Variants in ANO1 observed in about 807,000 individuals in gnomAD.
ANO1 encodes the protein anoctamin-1.
ANO1 carries 59 observed loss-of-function variants against 124.0 expected under a neutral mutation model. The ratio of observed to expected loss-of-function variants is 0.48; its 90% CI spans 0.39 to 0.59. The LOEUF (loss-of-function observed/expected upper bound fraction) is 0.59. Among genes scored for constraint, ANO1 ranks in the 20% least tolerant of loss-of-function variants. The probability of loss-of-function intolerance (pLI) is 0.00; values close to 1 mark genes in which losing one functional copy is unlikely to be tolerated. For synonymous variants in ANO1, 529 were observed against 532.0 expected, an observed-to-expected ratio of 0.99 and a Z score of 0.08; for missense variants, 1,059 against 1,328.0, an observed-to-expected ratio of 0.80 and a Z score of 3.15.
chr11:70,090,617 G>C (rs779442191), intron 2 of ANO1, among the ~76,000 whole-genome samples: 1 of 152,150 alleles, frequency 6.6e-6, no homozygotes, highest in African/African-American at 2.4e-5. Context: ...GCGGCAAGAA[G>C]GACGAGAAAA....
chr11:70,118,194 C>A (rs970385720), intron 8 of ANO1, among the ~76,000 whole-genome samples: 2 of 152,040 alleles, frequency 1.3e-5, no homozygotes, highest in Non-Finnish European at 2.9e-5. Flanking sequence ...CCTACCCCCT[C>A]TTCCCCCTCC....
At chr11:70,135,221 G>A (rs1478696300) in intron 11 of ANO1, among the ~76,000 whole-genome samples, 1 of 152,102 alleles carries the variant, frequency 6.6e-6, no homozygotes, top group Admixed American at 6.6e-5. Context: ...TGAAATCCCT[G>A]GGAGGAATTC....
chr11:69,978,187 G>T, the ANO1 span, among the ~76,000 whole-genome samples: 5 of 152,172 alleles, frequency 3.3e-5, no homozygotes, highest in East Asian at 1.9e-4. Context: ...CTGGAAGGGG[G>T]TGGCATTTGG....
chr11:69,996,206 ATGAGACCATCC>A (rs1856269030), intron 1 of ANO1, among the ~76,000 whole-genome samples: 2 of 152,234 alleles, frequency 1.3e-5, no homozygotes, highest in Non-Finnish European at 2.9e-5. Context: ...TATGAAACTT[ATGAGACCATCC>A]TGAGCTGAAT....
intron 1 of ANO1, among the ~76,000 whole-genome samples, chr11:70,083,833 C>T (rs1302572647): frequency 6.6e-6 from 1 of 152,176 alleles, no homozygotes; most frequent in Non-Finnish European, 1.5e-5. Flanking sequence ...TGCCATCCAG[C>T]TTTGGGGCTA....
At chr11:70,161,788 G>A in intron 18 of ANO1, 55 bp downstream of exon 18, 2 of 1,551,820 alleles carry the variant, frequency 1.3e-6, no homozygotes, top group Non-Finnish European at 1.8e-6. Context: ...CCAGGAGAGG[G>A]CTCTCCCTCC....
At chr11:69,987,922 C>G (rs149546275) in intron 1 of ANO1, among the ~76,000 whole-genome samples, 3 of 152,302 alleles carry the variant, frequency 2.0e-5, no homozygotes, top group African/African-American at 4.8e-5. Context: ...CCTCCACTCC[C>G]GGAGAGCAGG....
intron 1 of ANO1, among the ~76,000 whole-genome samples, chr11:69,996,520 T>G (rs1554998377): frequency 6.6e-6 from 1 of 152,180 alleles, no homozygotes; most frequent in Admixed American, 6.5e-5. Context: ...AAACAGTCAT[T>G]GGAACAGGTG....
At chr11:70,156,194 G>C (rs897079235) in intron 15 of ANO1, among the ~76,000 whole-genome samples, 6 of 151,752 alleles carry the variant, frequency 4.0e-5, no homozygotes, top group African/African-American at 1.5e-4. Context: ...GGGGACGGGG[G>C]TGGGGCTCTG....
chr11:69,997,716 C>T (rs1376038734), intron 1 of ANO1, among the ~76,000 whole-genome samples: 2 of 152,132 alleles, frequency 1.3e-5, no homozygotes, highest in Non-Finnish European at 2.9e-5. Context: ...CAACCGTTCC[C>T]CTTAGCGATA....
At chr11:70,063,810 G>C (rs781884710) in intron 1 of ANO1, 1 of 152,272 alleles carries the variant, frequency 6.6e-6, no homozygotes, top group African/African-American at 2.4e-5. Context: ...CCTCTTCCCA[G>C]ACTCAGGTCT....
chr11:70,130,375 T>C (rs2515266), intron 10 of ANO1, among the ~76,000 whole-genome samples: 83,712 of 152,036 alleles, frequency 0.55, 23,235 homozygotes, highest in Non-Finnish European at 0.59. Context: ...GAGCCCCCCA[T>C]GGCCCTTGAG....
At chr11:70,024,524 T>C (rs1158157020) in intron 1 of ANO1, among the ~76,000 whole-genome samples, 1 of 152,174 alleles carries the variant, frequency 6.6e-6, no homozygotes, top group Non-Finnish European at 1.5e-5. Context: ...AGGTTTCTTA[T>C]GCCAGTGATG....
chr11:70,129,157 A>G (rs1363460939), intron 10 of ANO1: 1 of 152,256 alleles, frequency 6.6e-6, no homozygotes, highest in East Asian at 1.9e-4. Context: ...AGTGAGGGGC[A>G]TGAGATAAAC....
intron 1 of ANO1, among the ~76,000 whole-genome samples, chr11:70,055,049 C>G (rs139182639): frequency 1.3e-5 from 2 of 152,156 alleles, no homozygotes; most frequent in South Asian, 4.1e-4. Flanking sequence ...AATTTCCAAA[C>G]GCTGAGTTTT....
chr11:70,184,478 CAGG>C (rs1291610187), intron 24 of ANO1, among the ~76,000 whole-genome samples: 1 of 152,048 alleles, frequency 6.6e-6, no homozygotes, highest in Non-Finnish European at 1.5e-5. Flanking sequence ...ACTCTCCAAG[CAGG>C]AGATCAGTCA....
At chr11:70,147,432 GC>G (rs2047427390) in intron 11 of ANO1, among the ~76,000 whole-genome samples, 1 of 152,172 alleles carries the variant, frequency 6.6e-6, no homozygotes, top group Non-Finnish European at 1.5e-5. Flanking sequence ...CTCCTGCTGG[GC>G]CCCCTGTGGC....
chr11:70,046,634 G>T (rs2135069954), intron 1 of ANO1, among the ~76,000 whole-genome samples: 1 of 152,256 alleles, frequency 6.6e-6, no homozygotes, highest in Non-Finnish European at 1.5e-5. Flanking sequence ...GGAGGATTTT[G>T]CTCTTCCAGG....
chr11:69,998,535 G>A (rs556275622), intron 1 of ANO1, among the ~76,000 whole-genome samples: 8 of 152,316 alleles, frequency 5.3e-5, no homozygotes, highest in Non-Finnish European at 5.9e-5. Flanking sequence ...TTTCCAGTTC[G>A]AAGCCATTAT....
Sources: allele counts gnomAD v4.1 joint callset (sites outside exome capture counted in the v4.1 genomes callset), GRCh38; gene constraint gnomAD v4.1.1; transcripts MANE v1.5; gene names NCBI Gene and HGNC (gene_info 2026-07-23, HGNC 2026-07-21).